CDH13: variants seen among roughly 807,000 people sequenced by gnomAD.
The protein encoded by CDH13 is cadherin-13.
A neutral mutation model predicts 63.8 loss-of-function variants in CDH13; 24 were observed. The ratio of observed to expected loss-of-function variants is 0.38; its 90% CI spans 0.27 to 0.53. The LOEUF (loss-of-function observed/expected upper bound fraction) is 0.53, where lower values mean the gene tolerates loss of function less well. Among genes scored for constraint, CDH13 ranks in the 20% least tolerant of loss-of-function variants. CDH13 has a pLI of 0.85. For synonymous variants in CDH13, 503 were observed against 355.3 expected, an observed-to-expected ratio of 1.42 and a Z score of -4.67; for missense variants, 1,049 against 903.1, an observed-to-expected ratio of 1.16 and a Z score of -2.07.
At chr16:83,372,812 G>A (rs1282856357) in intron 6 of CDH13, among the ~76,000 whole-genome samples, 1 of 150,474 alleles carries the variant, frequency 6.6e-6, no homozygotes. Context: ...CTGCATCTCT[G>A]CTTTCTGTGG....
chr16:82,957,467 G>A (rs1482656984), intron 2 of CDH13, among the ~76,000 whole-genome samples: 1 of 152,076 alleles, frequency 6.6e-6, no homozygotes, highest in Non-Finnish European at 1.5e-5. Flanking sequence ...ATAGATAAAG[G>A]CCACTAGTAT....
chr16:83,146,509 G>C (rs1421174409), intron 4 of CDH13, among the ~76,000 whole-genome samples: 1 of 152,228 alleles, frequency 6.6e-6, no homozygotes, highest in South Asian at 2.1e-4. Flanking sequence ...TAAGGCTGGG[G>C]CAGGAGTAAC....
intron 6 of CDH13, among the ~76,000 whole-genome samples, chr16:83,398,956 A>C (rs1052119258): frequency 6.6e-6 from 1 of 152,236 alleles, no homozygotes; most frequent in African/African-American, 2.4e-5. Flanking sequence ...CTTTATGTTC[A>C]GTCCATAATG....
In CDH13 at chr16:83,254,995, C is replaced by T. The variant is rs62040387; in HGVS notation, c.636+37498C>T. Among the ~76,000 whole-genome samples the T allele has an allele frequency of 5.9e-4, 6 of 10,224 alleles. 2 individuals are homozygous for T. Among genetic ancestry groups the T allele is most frequent in the Non-Finnish European group, 1.9e-3 (3 of 1,594 alleles). The allele number at this position is 10,224 out of a possible 152,430, so 6.7% of individuals were successfully genotyped here. On this transcript the variant is annotated intron_variant, in intron 5 of 13. Coordinates refer to ENST00000567109, the MANE Select transcript of CDH13 (RefSeq NM_001257.5). Reference sequence around the variant, plus strand: ...TCTTTCTTTCTTTCTTTCTTTCTTTCTTTCTTTCTTTCTTTCTTTTTTGCA... The same window carrying T: ...TCTTTCTTTCTTTCTTTCTTTCTTTTTTTCTTTCTTTCTTTCTTTTTTGCA...
At chr16:83,545,319 T>C (rs1211829182) in intron 7 of CDH13, among the ~76,000 whole-genome samples, 2 of 152,110 alleles carry the variant, frequency 1.3e-5, no homozygotes, top group African/African-American at 4.8e-5. Flanking sequence ...GGAAAAAAAA[T>C]AGTGGATGTG....
chr16:83,206,784 G>A (rs980880059), intron 4 of CDH13, among the ~76,000 whole-genome samples: 1 of 152,150 alleles, frequency 6.6e-6, no homozygotes, highest in African/African-American at 2.4e-5. Context: ...TTTGACTTGG[G>A]GGGACCCATT....
intron 1 of CDH13, among the ~76,000 whole-genome samples, chr16:82,629,152 T>G (rs748916302): frequency 2.6e-5 from 4 of 152,220 alleles, no homozygotes; most frequent in Non-Finnish European, 5.9e-5. Context: ...GATCGATTTT[T>G]ATGCACTAAG....
intron 6 of CDH13, among the ~76,000 whole-genome samples, chr16:83,447,801 A>G (rs560046590): frequency 8.6e-5 from 13 of 150,752 alleles, no homozygotes; most frequent in Non-Finnish European, 1.9e-4. Context: ...AATGATTTAT[A>G]TTAAATATCG....
At chr16:83,487,746 TA>T (rs1055619982) in intron 7 of CDH13, among the ~76,000 whole-genome samples, 70 of 152,370 alleles carry the variant, frequency 4.6e-4, no homozygotes, top group African/African-American at 1.6e-3. Flanking sequence ...CAGCTCCACG[TA>T]ACTGCTGGGC....
At chr16:83,372,061 T>C (rs904614137) in intron 6 of CDH13, among the ~76,000 whole-genome samples, 4 of 152,316 alleles carry the variant, frequency 2.6e-5, no homozygotes, top group Non-Finnish European at 4.4e-5. Flanking sequence ...ATTTGAAACA[T>C]CACCATCATC....
At chr16:83,297,380 T>C (rs1461910569) in intron 5 of CDH13, among the ~76,000 whole-genome samples, 1 of 152,146 alleles carries the variant, frequency 6.6e-6, no homozygotes, top group African/African-American at 2.4e-5. Flanking sequence ...TCAATTATTA[T>C]GTGTCAATTA....
chr16:82,842,282 G>A (rs2039068397), intron 1 of CDH13, among the ~76,000 whole-genome samples: 1 of 151,224 alleles, frequency 6.6e-6, no homozygotes, highest in Admixed American at 6.6e-5. Flanking sequence ...CATCAGGGTA[G>A]CTCAGTCTTG....
chr16:83,043,705 A>G lies in CDH13; in HGVS notation c.366+11487A>G, dbSNP rs1363055086. On this transcript the variant is annotated intron_variant, in intron 3 of 13. Transcript: ENST00000567109. Reference sequence around the variant, plus strand: ...GAAACCACATCTCTACTAAAAATACAAAAATTAGCTGGGCATGGTGGTGCA... The same window carrying G: ...GAAACCACATCTCTACTAAAAATACGAAAATTAGCTGGGCATGGTGGTGCA... Among the ~76,000 whole-genome samples the G allele has an allele frequency of 5.3e-5, 8 of 152,112 alleles. No individual in the cohort carries two copies. In the East Asian group the frequency reaches 9.7e-4, roughly 18 times the overall value.
intron 8 of CDH13, among the ~76,000 whole-genome samples, chr16:83,628,459 A>G (rs929142338): frequency 6.6e-6 from 1 of 152,138 alleles, no homozygotes; most frequent in Admixed American, 6.5e-5. Context: ...GTCTCCACTG[A>G]TAAGTCACAT....
At chr16:82,687,979 C>T (rs1455015433) in intron 1 of CDH13, among the ~76,000 whole-genome samples, 1 of 152,154 alleles carries the variant, frequency 6.6e-6, no homozygotes, top group Non-Finnish European at 1.5e-5. Flanking sequence ...TGTCCATTGC[C>T]ACAATGAAAC....
At chr16:82,832,180 G>A (rs9936998) in intron 1 of CDH13, among the ~76,000 whole-genome samples, 23,889 of 152,144 alleles carry the variant, frequency 0.16, 2,961 homozygotes, top group East Asian at 0.69. Context: ...CATTTTTCAC[G>A]TATTGAAAAT....
intron 1 of CDH13, among the ~76,000 whole-genome samples, chr16:82,682,770 T>C (rs915233811): frequency 3.3e-5 from 5 of 152,080 alleles, no homozygotes; most frequent in Non-Finnish European, 7.4e-5. Context: ...CTGAGAAAAA[T>C]ATTGGAAAGA....
chr16:82,703,937 C>T (rs979115159), intron 1 of CDH13, among the ~76,000 whole-genome samples: 7 of 152,206 alleles, frequency 4.6e-5, no homozygotes, highest in Admixed American at 1.3e-4. Flanking sequence ...TTATAGACTC[C>T]TTTGCATTCA....
intron 7 of CDH13, among the ~76,000 whole-genome samples, chr16:83,523,796 C>G (rs1167254432): frequency 1.3e-5 from 2 of 152,188 alleles, no homozygotes; most frequent in Non-Finnish European, 2.9e-5. Flanking sequence ...GAAAAGGAGG[C>G]AAGAACGACA....
Sources: allele counts gnomAD v4.1 joint callset (sites outside exome capture counted in the v4.1 genomes callset), GRCh38; gene constraint gnomAD v4.1.1; transcripts MANE v1.5; gene names NCBI Gene and HGNC (gene_info 2026-07-23, HGNC 2026-07-21).